TOGARAM1: variants seen among roughly 807,000 people sequenced by gnomAD.
TOGARAM1 encodes the protein TOG array regulator of axonemal microtubules 1, also known as TOG array regulator of axonemal microtubules protein 1.
A neutral mutation model predicts 166.6 loss-of-function variants in TOGARAM1; 100 were observed. The observed-to-expected ratio is 0.60, with a 90% CI of 0.51 to 0.71. The LOEUF is 0.71. TOGARAM1 is among the 30% of genes least tolerant of loss of function. TOGARAM1 has a pLI of 0.00. For synonymous variants in TOGARAM1, 758 were observed against 763.8 expected, an observed-to-expected ratio of 0.99 and a Z score of 0.13; for missense variants, 2,029 against 2,102.7, an observed-to-expected ratio of 0.96 and a Z score of 0.69.
chr14:44,967,812 T>C (rs1885640273), intron 1 of TOGARAM1, among the ~76,000 whole-genome samples: 1 of 152,216 alleles, frequency 6.6e-6, no homozygotes, highest in African/African-American at 2.4e-5. Flanking sequence ...GAGTGTTCTC[T>C]ATGGTTCCTT....
At chr14:45,016,960 A>C (rs1356974684) in intron 7 of TOGARAM1, among the ~76,000 whole-genome samples, 1 of 152,152 alleles carries the variant, frequency 6.6e-6, no homozygotes, top group East Asian at 1.9e-4. Context: ...AGGGTTTACA[A>C]CATCCAGTGT....
At chr14:45,009,812 G>A (rs1470582034) in intron 6 of TOGARAM1, among the ~76,000 whole-genome samples, 1 of 152,184 alleles carries the variant, frequency 6.6e-6, no homozygotes, top group African/African-American at 2.4e-5. Context: ...TTTCTGGACA[G>A]CTCTGTGACC....
intron 1 of TOGARAM1, among the ~76,000 whole-genome samples, chr14:44,971,066 G>C (rs1486873458): frequency 6.6e-6 from 1 of 151,988 alleles, no homozygotes; most frequent in Non-Finnish European, 1.5e-5. Flanking sequence ...GGTAGTGCTG[G>C]CCTTTTAGAA....
intron 19 of TOGARAM1, among the ~76,000 whole-genome samples, 169 bp downstream of exon 19, chr14:45,071,967 A>G (rs1159564280): frequency 2.0e-5 from 3 of 152,182 alleles, no homozygotes; most frequent in Non-Finnish European, 2.9e-5. Context: ...TACCCCATAC[A>G]TTATTGTCAA....
In TOGARAM1 at chr14:44,999,404, G is replaced by C; in HGVS notation, c.2245G>C (p.Ala749Pro). Residue 749 changes from alanine to proline, a missense_variant, in exon 3 of 20, where the codon GCA (alanine) becomes CCA (proline). Ala to Pro is a conservative substitution (Grantham distance 27). Coordinates refer to ENST00000361462, the MANE Select transcript of TOGARAM1 (RefSeq NM_001308120.2). ...TCAAACAAATCTTTCTGGGAAATGT[G>C]CACAACTTGGATTTTCACAAATATG... ...THQTNLSGKC[A>P]QLGFSQICGK... is the part of the protein sequence containing the mutation. 1 of 1,610,400 alleles carries C rather than the reference G, an allele frequency of 6.2e-7. No individual in the cohort carries two copies.
chr14:44,986,691 A>T (rs1886819160), intron 1 of TOGARAM1, among the ~76,000 whole-genome samples: 1 of 151,772 alleles, frequency 6.6e-6, no homozygotes, highest in Non-Finnish European at 1.5e-5. Flanking sequence ...TTACCAAGTG[A>T]CTGAGGTATT....
At chr14:44,978,975 T>C (rs977004793) in intron 1 of TOGARAM1, among the ~76,000 whole-genome samples, 26 of 145,698 alleles carry the variant, frequency 1.8e-4, no homozygotes, top group African/African-American at 3.6e-4. Context: ...CTCTCTCTCT[T>C]TTTTTTTTTA....
At chr14:44,976,462 A>G (rs1203148645) in intron 1 of TOGARAM1, among the ~76,000 whole-genome samples, 1 of 152,184 alleles carries the variant, frequency 6.6e-6, no homozygotes, top group Non-Finnish European at 1.5e-5. Context: ...TTTATTCTTC[A>G]CAAGTCTTAT....
At position 44,975,776 on chromosome 14, in the gene TOGARAM1, T is replaced by C. The variant is rs1164578681; in HGVS notation, c.2046+11309T>C. On this transcript the variant is annotated intron_variant, in intron 1 of 19. Coordinates refer to ENST00000361462, the MANE Select transcript of TOGARAM1 (RefSeq NM_001308120.2). ...GCCATCATGCCCGGCTTCCCCTGCC[T>C]TTTTTTTTTTTTTTAATGAAGTGGG... 4.3e-5 allele frequency among the ~76,000 whole-genome samples: 6 copies of C among 138,712 alleles called. No individual in the cohort carries two copies. The South Asian group carries it at 9.1e-4, about 21-fold the overall frequency. 91.0% of individuals were successfully genotyped at this position (138,712 alleles called of 152,430 possible). A position where few individuals can be genotyped will look rare whatever the true frequency, so the allele number is the denominator to read the frequency against.
Position 44,962,433 on chromosome 14 carries a change from C to T in TOGARAM1, c.12C>T (p.Ala4=), listed in dbSNP as rs141982460. ...CCTGACAACCCTGCATGGCGGCTGC[C>T]CCCTCCGCGCTGCTTCTGCTGCCGC... The part of the protein sequence containing the change: MAA[A]PSALLLLPPF... The change falls in exon 1 of 20, where the codon GCC becomes GCT. Residue 4 remains alanine (A), a synonymous_variant. Coordinates refer to ENST00000361462, the MANE Select transcript of TOGARAM1 (RefSeq NM_001308120.2). 431 of 1,562,830 alleles carry T rather than the reference C, an allele frequency of 2.8e-4. 2 individuals carry two copies. The African/African-American group carries it at 5.4e-3, about 19-fold the overall frequency.
At chr14:44,973,927 T>G (rs1186149828) in intron 1 of TOGARAM1, among the ~76,000 whole-genome samples, 1 of 151,888 alleles carries the variant, frequency 6.6e-6, no homozygotes, top group African/African-American at 2.4e-5. Context: ...TGTTTTTCCT[T>G]TATCTTCTTT....
At chr14:44,967,416 G>GTTTT (rs1885618834) in intron 1 of TOGARAM1, among the ~76,000 whole-genome samples, 7 of 152,178 alleles carry the variant, frequency 4.6e-5, no homozygotes, top group Admixed American at 4.6e-4. Context: ...ACTAAGTAAA[G>GTTTT]TTTAAGATTT....
At chr14:45,002,303 T>C (rs1323486753) in intron 3 of TOGARAM1, among the ~76,000 whole-genome samples, 3 of 152,182 alleles carry the variant, frequency 2.0e-5, no homozygotes, top group Non-Finnish European at 2.9e-5. Flanking sequence ...ACTTAACCTG[T>C]TCCTGTTTAG....
intron 1 of TOGARAM1, among the ~76,000 whole-genome samples, chr14:44,987,998 C>T (rs571970632): frequency 2.5e-4 from 38 of 151,738 alleles, no homozygotes; most frequent in South Asian, 2.1e-4. Flanking sequence ...AGCAAACTAT[C>T]GCAAGGACAA....
In TOGARAM1 at chr14:45,032,348, G is replaced by A. The variant is rs1163254776; in HGVS notation, c.3784G>A (p.Ala1262Thr). The A allele has an allele frequency of 6.2e-7, 1 of 1,613,958 alleles. No individual in the cohort carries two copies. ...TAAACCAGAAATAGCACTGACAGAA[G>A]CCCTGAGGCTTTTGGCTGATGAGGA... ...FSKPEIALTE[A>T]LRLLADEDWE... Residue 1262 changes from alanine to threonine, a missense_variant, in exon 11 of 20, where the codon GCC (alanine) becomes ACC (threonine). Physicochemically the swap from Ala to Thr is moderately conservative, Grantham distance 58 (BLOSUM62 0). Transcript: ENST00000361462.
intron 13 of TOGARAM1, among the ~76,000 whole-genome samples, chr14:45,045,565 ATATATATATATATATATATGTGTGTG>A (rs1566660280): frequency 2.4e-5 from 1 of 41,262 alleles, no homozygotes; most frequent in Non-Finnish European, 3.9e-5. Flanking sequence ...ATATATATAT[ATATATATATATATATATATGTGTGTG>A]TGTGTGTGTG....
intron 1 of TOGARAM1, among the ~76,000 whole-genome samples, chr14:44,965,439 G>GT (rs1206496544): frequency 4.7e-4 from 72 of 152,126 alleles, no homozygotes; most frequent in African/African-American, 1.7e-3. Flanking sequence ...TTGTTTCTTT[G>GT]TTTTTTCATG....
In TOGARAM1 at chr14:44,962,286, C is replaced by T; in HGVS notation, c.-136C>T. The T allele has an allele frequency of 3.5e-6, 4 of 1,143,972 alleles. No individual in the cohort carries two copies. The Admixed American group carries it at 1.2e-4, about 35-fold the overall frequency. 70.9% of individuals were successfully genotyped at this position (1,143,972 alleles called of 1,614,324 possible). A position where few individuals can be genotyped will look rare whatever the true frequency, so the allele number is the denominator to read the frequency against. On this transcript the variant is annotated 5_prime_UTR_variant, in exon 1 of 20. Coordinates refer to ENST00000361462, the MANE Select transcript of TOGARAM1 (RefSeq NM_001308120.2). ...GGCTGCCTCCCGGAGTTGGGGGCGG[C>T]CTGGCGGCAGGCTGAAGCTGTTCTT...
chr14:44,987,020 G>GAAAGAAA (rs1290367837), intron 1 of TOGARAM1, among the ~76,000 whole-genome samples: 1 of 148,132 alleles, frequency 6.8e-6, no homozygotes, highest in African/African-American at 2.5e-5. Flanking sequence ...AAAAAAAAAA[G>GAAAGAAA]AAAGAAAAAA....
Sources: gnomAD v4.1 joint callset for allele counts (sites outside exome capture counted in the v4.1 genomes callset) on GRCh38, gnomAD v4.1.1 for gene constraint, MANE v1.5 for transcripts, NCBI Gene and HGNC (gene_info 2026-07-23, HGNC 2026-07-21) for gene names.